STK39: variants seen among roughly 807,000 people sequenced by gnomAD.
STK39 encodes serine/threonine kinase 39.
STK39 carries 20 observed loss-of-function variants against 77.8 expected under a neutral mutation model. That is an observed-to-expected ratio of 0.26 (90% CI 0.18 to 0.37). The LOEUF is 0.37. Among genes scored for constraint, STK39 ranks in the 10% least tolerant of loss-of-function variants. The probability of loss-of-function intolerance (pLI) is 1.00; values close to 1 mark genes in which losing one functional copy is unlikely to be tolerated. For synonymous variants in STK39, 246 were observed against 234.1 expected (o/e 1.05, Z -0.47); for missense variants, 479 against 656.5 (o/e 0.73, Z 2.95).
intron 14 of STK39, among the ~76,000 whole-genome samples, chr2:168,060,817 A>G (rs1382621313): frequency 6.6e-6 from 1 of 152,060 alleles, no homozygotes; most frequent in Admixed American, 6.5e-5. Context: ...GAACAACTGT[A>G]TCAAAGAACA....
intron 1 of STK39, among the ~76,000 whole-genome samples, chr2:168,197,534 C>A (rs1182123888): frequency 6.6e-6 from 1 of 152,210 alleles, no homozygotes; most frequent in Non-Finnish European, 1.5e-5. Flanking sequence ...AGGGGATGTG[C>A]TTCCCGTGTT....
At chr2:168,140,234 C>T (rs879894154) in intron 7 of STK39, 55 bp downstream of exon 7, 1 of 1,411,680 alleles carries the variant, frequency 7.1e-7, no homozygotes, top group Non-Finnish European at 1.0e-6. Flanking sequence ...AATTAGAAAA[C>T]AGATTCCGTC....
At chr2:168,199,892 C>T (rs1002039978) in intron 1 of STK39, among the ~76,000 whole-genome samples, 2 of 152,182 alleles carry the variant, frequency 1.3e-5, no homozygotes, top group Admixed American at 1.3e-4. Context: ...AAAGGACATC[C>T]AAATTCTTTG....
At chr2:168,131,083 T>G (rs1517338) in intron 8 of STK39, among the ~76,000 whole-genome samples, 123,032 of 152,200 alleles carry the variant, frequency 0.81, 49,679 homozygotes, top group Admixed American at 0.82. Context: ...GTGTGGAAAA[T>G]TACTGTAGTT....
Position 168,173,683 on chromosome 2 carries a change from G to A in STK39, c.322-6276C>T, listed in dbSNP as rs184356381. On this transcript the variant is annotated intron_variant, in intron 2 of 17. Coordinates refer to ENST00000355999, the MANE Select transcript of STK39 (RefSeq NM_013233.3). ...AGCGATTCTCCTGCCTCAGCCTCCTGAGTAGCTGGAATTACAGGTGTGTGC... is the reference window on the plus strand; with the variant it reads ...AGCGATTCTCCTGCCTCAGCCTCCTAAGTAGCTGGAATTACAGGTGTGTGC... 6.8e-3 allele frequency among the ~76,000 whole-genome samples: 1,034 copies of A among 152,154 alleles called. 13 individuals carry two copies. Among genetic ancestry groups the A allele is most frequent in the African/African-American group, 0.023 (969 of 41,506 alleles).
At chr2:168,072,836 T>C (rs1205138677) in intron 12 of STK39, among the ~76,000 whole-genome samples, 1 of 152,092 alleles carries the variant, frequency 6.6e-6, no homozygotes, top group East Asian at 1.9e-4. Flanking sequence ...TTAATACAGC[T>C]CAAGATAATC....
At chr2:168,030,245 A>G (rs1684803875) in intron 14 of STK39, among the ~76,000 whole-genome samples, 1 of 152,098 alleles carries the variant, frequency 6.6e-6, no homozygotes, top group South Asian at 2.1e-4. Flanking sequence ...GTCTCAAAAT[A>G]ATAATAATAA....
At position 168,018,520 on chromosome 2, in the gene STK39, AAAAGAAAGAAAAGAAAG is replaced by A. The variant is rs142325773; in HGVS notation, c.1377-1442_1377-1426del. Reference sequence around the variant, plus strand: ...TTTTAAGAAAAGAAAGAAAAGAAAGAAAAGAAAGAAAAGAAAGAAAAGAAAGAAAGAAAGAAAGAAAG... The same window carrying A: ...TTTTAAGAAAAGAAAGAAAAGAAAGAAAAAGAAAGAAAGAAAGAAAGAAAG... On this transcript the variant is annotated intron_variant, in intron 14 of 17. Coordinates refer to ENST00000355999, the MANE Select transcript of STK39 (RefSeq NM_013233.3). 3.6e-3 allele frequency among the ~76,000 whole-genome samples: 406 copies of A among 112,600 alleles called. 7 individuals carry two copies. The highest frequency in any genetic ancestry group is 0.014 in the African/African-American group (381 of 26,924). The allele number at this position is 112,600 out of a possible 152,430, so 73.9% of individuals were successfully genotyped here.
At chr2:168,193,858 A>AGTT (rs960797541) in intron 1 of STK39, among the ~76,000 whole-genome samples, 14 of 152,218 alleles carry the variant, frequency 9.2e-5, no homozygotes, top group African/African-American at 3.4e-4. Context: ...CCACATTTTC[A>AGTT]GTTGCTACCA....
At chr2:168,198,758 T>C (rs1334670502) in intron 1 of STK39, among the ~76,000 whole-genome samples, 3 of 152,256 alleles carry the variant, frequency 2.0e-5, no homozygotes, top group African/African-American at 7.2e-5. Context: ...TAAGTGCTAT[T>C]GGCAAGAGTT....
At chr2:168,149,589 T>C (rs927058113) in intron 5 of STK39, among the ~76,000 whole-genome samples, 4 of 152,250 alleles carry the variant, frequency 2.6e-5, no homozygotes, top group African/African-American at 9.6e-5. Context: ...GTCTCCTGCC[T>C]TTCCTCAGTC....
chr2:168,116,555 T>C (rs1456341710), intron 10 of STK39, among the ~76,000 whole-genome samples: 1 of 152,188 alleles, frequency 6.6e-6, no homozygotes, highest in Non-Finnish European at 1.5e-5. Flanking sequence ...CCTGAATCTT[T>C]GTTAAGTCAA....
intron 8 of STK39, among the ~76,000 whole-genome samples, chr2:168,136,248 A>G (rs1687834592): frequency 2.0e-5 from 3 of 151,920 alleles, no homozygotes; most frequent in South Asian, 4.2e-4. Context: ...ACACGCCTGT[A>G]GTCCCAACTA....
chr2:167,964,512 CAG>C (rs1692092148), intron 17 of STK39, 148 bp downstream of exon 17: 1 of 686,786 alleles, frequency 1.5e-6, no homozygotes, highest in East Asian at 2.8e-5. Flanking sequence ...CCTAACGCTG[CAG>C]AGTCAAATGC....
At chr2:167,985,330 C>T (rs10187864) in intron 16 of STK39, among the ~76,000 whole-genome samples, 89,134 of 152,046 alleles carry the variant, frequency 0.59, 26,850 homozygotes, top group African/African-American at 0.68. Context: ...AACTTCTGAA[C>T]TGATTTGTTG....
intron 14 of STK39, among the ~76,000 whole-genome samples, chr2:168,040,694 A>G (rs10930303): frequency 0.14 from 20,561 of 152,290 alleles, 1,608 homozygotes; most frequent in Middle Eastern, 0.18. Flanking sequence ...AGGAAGTAAT[A>G]CAAGCATATG....
At chr2:168,206,826 C>G (rs1689755023) in intron 1 of STK39, among the ~76,000 whole-genome samples, 1 of 152,114 alleles carries the variant, frequency 6.6e-6, no homozygotes, top group Non-Finnish European at 1.5e-5. Flanking sequence ...TATTCAAAGA[C>G]AGTGATCAAT....
At chr2:168,080,748 T>C (rs1008195109) in intron 10 of STK39, among the ~76,000 whole-genome samples, 1 of 152,180 alleles carries the variant, frequency 6.6e-6, no homozygotes, top group Admixed American at 6.5e-5. Context: ...AAAAAAATGG[T>C]TTCTTGGGCT....
chr2:168,177,401 G>A (rs908047124), intron 2 of STK39, among the ~76,000 whole-genome samples: 7 of 152,076 alleles, frequency 4.6e-5, no homozygotes, highest in Non-Finnish European at 1.0e-4. Context: ...GGGTACCAAA[G>A]GCAGACTAGA....
Sources: gnomAD v4.1 joint callset for allele counts (sites outside exome capture counted in the v4.1 genomes callset) on GRCh38, gnomAD v4.1.1 for gene constraint, MANE v1.5 for transcripts, NCBI Gene and HGNC (gene_info 2026-07-23, HGNC 2026-07-21) for gene names.